The following TRPM2 variants were observed in gnomAD, a reference collection of about 807,000 sequenced individuals.
TRPM2 encodes estrogen-responsive element-associated gene 1 protein.
A neutral mutation model predicts 174.0 loss-of-function variants in TRPM2; 161 were observed. That is an observed-to-expected ratio of 0.93 (90% CI 0.81 to 1.05). The LOEUF is 1.05. Ranked by LOEUF, TRPM2 falls within the 50% of genes least tolerant of loss-of-function variation. The probability of loss-of-function intolerance (pLI) is 0.00; values close to 1 mark genes in which losing one functional copy is unlikely to be tolerated. For synonymous variants in TRPM2, 954 were observed against 861.3 expected, an observed-to-expected ratio of 1.11 and a Z score of -1.88; for missense variants, 2,057 against 2,038.0, an observed-to-expected ratio of 1.01 and a Z score of -0.18.
At position 44,426,674 on chromosome 21, in the gene TRPM2, C is replaced by G. The variant is rs1212112350; in HGVS notation, c.3810C>G (p.Ile1270Met). The change falls in exon 26 of 32, where the codon ATC becomes ATG. Residue 1270 changes from isoleucine to methionine, a missense_variant. Transcript: ENST00000397928. ...EKVPWETEFL[I>M]YDPPFYTAER... Reference sequence around the variant, plus strand: ...TTTTGCGACAGACGGAGTTCCTGATCTATGACCCACCCTTTTACACGGCAG... The same window carrying G: ...TTTTGCGACAGACGGAGTTCCTGATGTATGACCCACCCTTTTACACGGCAG... 1.2e-6 allele frequency: 2 copies of G among 1,614,090 alleles called. No individual in the cohort carries two copies. The highest frequency in any genetic ancestry group is 2.7e-5 in the African/African-American group (2 of 74,952).
rs753964472 is a variant in TRPM2 at position 44,390,969 on chromosome 21, T to C, written c.1384T>C (p.Trp462Arg). The C allele has an allele frequency of 1.1e-5, 17 of 1,614,054 alleles. No homozygotes were observed. The highest frequency in any genetic ancestry group is 1.4e-5 in the Non-Finnish European group (16 of 1,180,014). ...WDHQLKLAVA[W>R]NRVDIARSEI... ...CCACCAGCTGAAACTGGCAGTGGCA[T>C]GGAATCGCGTGGACATTGCCCGCAG... Residue 462 changes from tryptophan to arginine, a missense_variant, in exon 10 of 32, where the codon TGG (tryptophan) becomes CGG (arginine). Transcript: ENST00000397928.
chr21:44,417,114 G>A, intron 20 of TRPM2, among the ~76,000 whole-genome samples: 1 of 138,452 alleles, frequency 7.2e-6, no homozygotes, highest in South Asian at 2.5e-4. Flanking sequence ...CAGTGGGCAT[G>A]TGGGCATGGC....
chr21:44,374,924 C>T (rs541465369), intron 5 of TRPM2, among the ~76,000 whole-genome samples: 61 of 152,074 alleles, frequency 4.0e-4, no homozygotes, highest in African/African-American at 1.2e-3. Flanking sequence ...GCCCTTACTG[C>T]GAGTTGTTTT....
intron 20 of TRPM2, among the ~76,000 whole-genome samples, chr21:44,417,606 C>T (rs533693939): frequency 5.5e-4 from 65 of 117,456 alleles, no homozygotes; most frequent in African/African-American, 2.2e-3. Flanking sequence ...TCTGTGGCAT[C>T]ACAGTGGGCA....
intron 19 of TRPM2, among the ~76,000 whole-genome samples, chr21:44,408,071 G>T (rs992341588): frequency 3.3e-5 from 5 of 151,668 alleles, no homozygotes; most frequent in African/African-American, 9.7e-5. Flanking sequence ...TCAGCCTCCC[G>T]AGTAGCTGGG....
chr21:44,377,356 C>T (rs1376109250), intron 6 of TRPM2, among the ~76,000 whole-genome samples: 3 of 152,178 alleles, frequency 2.0e-5, no homozygotes, highest in Admixed American at 1.3e-4. Context: ...TCCATAGCCC[C>T]TCTCCCTCCC....
intron 16 of TRPM2, 73 bp downstream of exon 16, chr21:44,401,970 T>C: frequency 6.5e-7 from 1 of 1,538,878 alleles, no homozygotes; most frequent in South Asian, 1.1e-5. Flanking sequence ...AGGGGACCCA[T>C]GGCTTAGAGC....
chr21:44,369,128 A>AG (rs34543751), intron 4 of TRPM2, 49 bp from the exon 5 acceptor site: 1,508,956 of 1,508,994 alleles, frequency 1, 754,459 homozygotes, highest in Middle Eastern at 1. Flanking sequence ...CCTGGGTGTC[A>AG]GGTGCCCCTC....
intron 25 of TRPM2, 91 bp downstream of exon 25, chr21:44,425,918 T>C: frequency 2.2e-6 from 3 of 1,371,424 alleles, no homozygotes; most frequent in Non-Finnish European, 2.8e-6. Flanking sequence ...GTATTAATCC[T>C]GGCTCCCAGC....
At chr21:44,401,521 C>T (rs1048164099) in intron 15 of TRPM2, among the ~76,000 whole-genome samples, 160 bp from the exon 16 acceptor site, 12 of 152,166 alleles carry the variant, frequency 7.9e-5, no homozygotes, top group African/African-American at 2.4e-4. Flanking sequence ...GTGCCGGCTC[C>T]GCCTGTAGCT....
intron 27 of TRPM2, among the ~76,000 whole-genome samples, chr21:44,434,327 G>A (rs550067805): frequency 1.3e-5 from 2 of 150,844 alleles, no homozygotes; most frequent in Non-Finnish European, 3.0e-5. Context: ...GAGGACTGTG[G>A]CAGGGACGCT....
At chr21:44,437,213 G>A (rs1184726398) in intron 29 of TRPM2, 46 bp downstream of exon 29, 2 of 1,507,940 alleles carry the variant, frequency 1.3e-6, no homozygotes, top group Non-Finnish European at 1.8e-6. Context: ...GCTGTCTGTG[G>A]GTCACTCGTC....
Position 44,399,024 on chromosome 21 carries a change from G to A in TRPM2, c.2063-272G>A, listed in dbSNP as rs1312515760. On this transcript the variant is annotated intron_variant, in intron 13 of 31. Coordinates refer to ENST00000397928, the MANE Select transcript of TRPM2 (RefSeq NM_003307.4). The surrounding 1 kb of genome is among the most constrained non-coding windows in gnomAD (Gnocchi z 4.6). ...ATGGACAAGGGCAGCTTGGAGGTTA[G>A]AGGCAAGATGGAGTCCATTAGGTCA... Among the ~76,000 whole-genome samples the A allele has an allele frequency of 1.3e-5, 2 of 152,166 alleles. No homozygotes were observed. The highest frequency in any genetic ancestry group is 3.8e-4 in the East Asian group (2 of 5,196).
intron 27 of TRPM2, among the ~76,000 whole-genome samples, chr21:44,429,194 A>G (rs1185455907): frequency 6.6e-6 from 1 of 150,818 alleles, no homozygotes; most frequent in South Asian, 2.1e-4. Context: ...GTTCATAAAG[A>G]TCTTACATTT....
rs750639916 is a variant in TRPM2 at position 44,405,217 on chromosome 21, G to T, written c.2614G>T (p.Asp872Tyr). Residue 872 changes from aspartate (D) to tyrosine (Y), a missense_variant, in exon 17 of 32, where the codon GAC (aspartate) becomes TAC (tyrosine). Coordinates refer to ENST00000397928, the MANE Select transcript of TRPM2 (RefSeq NM_003307.4). The part of the protein sequence containing the change: ...LYFSDFWNKL[D>Y]VGAILLFVAG... ...CTTCAGTGACTTCTGGAATAAGCTG[G>T]ACGTCGGCGCAATCTTGCTCTTCGT... 1.9e-6 allele frequency: 3 copies of T among 1,613,430 alleles called. No individual in the cohort carries two copies. The highest frequency in any genetic ancestry group is 2.5e-6 in the Non-Finnish European group (3 of 1,179,972).
At chr21:44,378,235 G>T (rs896551180) in intron 7 of TRPM2, among the ~76,000 whole-genome samples, 1 of 152,194 alleles carries the variant, frequency 6.6e-6, no homozygotes, top group Non-Finnish European at 1.5e-5. Flanking sequence ...CTGCTCTGCC[G>T]GCCTTCCTTC....
At position 44,427,017 on chromosome 21, in the gene TRPM2, G is replaced by C; in HGVS notation, c.3880G>C (p.Glu1294Gln). The change falls in exon 27 of 32, where the codon GAG becomes CAG. Residue 1294 changes from glutamate (E) to glutamine (Q), a missense_variant. Transcript: ENST00000397928. ...CTTCTCCTCTGCTCCCAGCACCCTG[G>C]AGCCACTGTCCACGATCCAGTACAA... is the stretch of plus-strand genomic sequence containing the variant. ...AAMDPMGDTL[E>Q]PLSTIQYNVV... 1 of 1,598,582 alleles carries C rather than the reference G, an allele frequency of 6.3e-7. No homozygotes were observed. Among genetic ancestry groups the C allele is most frequent in the South Asian group, 1.1e-5 (1 of 88,588 alleles).
intron 16 of TRPM2, among the ~76,000 whole-genome samples, chr21:44,402,446 T>C (rs1200710347): frequency 6.6e-6 from 1 of 152,144 alleles, no homozygotes; most frequent in Admixed American, 6.5e-5. Flanking sequence ...CCGGTGATGA[T>C]GTGTGGCCTC....
At position 44,413,905 on chromosome 21, in the gene TRPM2, C is replaced by T; in HGVS notation, c.2977C>T (p.Pro993Ser). Residue 993 changes from proline (P) to serine (S), a missense_variant, in exon 20 of 32, where the codon CCG (proline) becomes TCG (serine). Coordinates refer to ENST00000397928, the MANE Select transcript of TRPM2 (RefSeq NM_003307.4). The stretch of plus-strand genomic sequence containing the variant: ...CCCAACGCCAGGTGTGAACTTCAAC[C>T]CGGAGCACTGCAGCCCCAATGGCAC... The part of the protein sequence containing the change: ...PGYIDGVNFN[P>S]EHCSPNGTDP... 1 of 1,612,696 alleles carries T rather than the reference C, an allele frequency of 6.2e-7. No homozygotes were observed. The highest frequency in any genetic ancestry group is 8.5e-7 in the Non-Finnish European group (1 of 1,178,940).
Sources: allele counts gnomAD v4.1 joint callset (sites outside exome capture counted in the v4.1 genomes callset), GRCh38; gene constraint gnomAD v4.1.1; non-coding constraint Gnocchi (gnomAD v3.1); transcripts MANE v1.5; gene names NCBI Gene and HGNC (gene_info 2026-07-23, HGNC 2026-07-21).